The following ERBB4 variants were observed in gnomAD, a reference collection of about 807,000 sequenced individuals.
The protein encoded by ERBB4 is receptor tyrosine-protein kinase erbB-4.
ERBB4 carries 42 observed loss-of-function variants against 158.0 expected under a neutral mutation model. The observed-to-expected ratio is 0.27, with a 90% CI of 0.21 to 0.34. The LOEUF (loss-of-function observed/expected upper bound fraction) is 0.34, where lower values mean the gene tolerates loss of function less well. ERBB4 is among the 10% of genes least tolerant of loss of function. ERBB4 has a pLI of 1.00. For missense variants in ERBB4, 1,333 were observed against 1,624.1 expected, an observed-to-expected ratio of 0.82 and a Z score of 3.08; for synonymous variants, 583 against 558.7, an observed-to-expected ratio of 1.04 and a Z score of -0.61.
chr2:212,134,027 G>T (rs2080191295), intron 1 of ERBB4, among the ~76,000 whole-genome samples: 1 of 151,952 alleles, frequency 6.6e-6, no homozygotes, highest in Non-Finnish European at 1.5e-5. Flanking sequence ...TTCAATTGAT[G>T]GGTAATAGTC....
intron 1 of ERBB4, among the ~76,000 whole-genome samples, chr2:212,519,885 G>C (rs1398097284): frequency 2.0e-5 from 3 of 151,866 alleles, no homozygotes; most frequent in Non-Finnish European, 2.9e-5. Flanking sequence ...GTAATTTATT[G>C]TATATTTTCA....
In ERBB4 at chr2:211,780,944, G is replaced by T. The variant is rs62183035; in HGVS notation, c.556+7081C>A. Among the ~76,000 whole-genome samples, 527 of 152,214 alleles carry T rather than the reference G, an allele frequency of 3.5e-3. 4 individuals are homozygous for T. Among genetic ancestry groups the T allele is most frequent in the Non-Finnish European group, 5.3e-3 (360 of 67,990 alleles). On this transcript the variant is annotated intron_variant, in intron 4 of 27. Coordinates refer to ENST00000342788, the MANE Select transcript of ERBB4 (RefSeq NM_005235.3). ...TAAAAATATCTTTTGAAAACAGTGT[G>T]ATTTCATTCTGTGTATACATTTATG... is the stretch of plus-strand genomic sequence containing the variant.
intron 1 of ERBB4, among the ~76,000 whole-genome samples, chr2:212,512,385 GTATTT>G: frequency 6.6e-6 from 1 of 151,572 alleles, no homozygotes; most frequent in East Asian, 1.9e-4. Flanking sequence ...TATGATACAG[GTATTT>G]TAAACAGGTC....
At chr2:211,784,455 T>C (rs1014820501) in intron 4 of ERBB4, among the ~76,000 whole-genome samples, 8 of 152,222 alleles carry the variant, frequency 5.3e-5, no homozygotes, top group Non-Finnish European at 7.4e-5. Context: ...AGCTGGATAA[T>C]ATTTCATCAT....
At chr2:212,376,305 G>C (rs2090319832) in intron 1 of ERBB4, among the ~76,000 whole-genome samples, 1 of 152,050 alleles carries the variant, frequency 6.6e-6, no homozygotes, top group Non-Finnish European at 1.5e-5. Context: ...CCAAGAGGTG[G>C]AAGTGCTCCA....
At chr2:212,098,889 A>G (rs1325767621) in intron 2 of ERBB4, among the ~76,000 whole-genome samples, 3 of 152,116 alleles carry the variant, frequency 2.0e-5, no homozygotes, top group Non-Finnish European at 4.4e-5. Flanking sequence ...AAATAACAGG[A>G]AAATTGGAGA....
intron 1 of ERBB4, among the ~76,000 whole-genome samples, chr2:212,193,083 C>T (rs974277784): frequency 2.0e-4 from 30 of 152,186 alleles, no homozygotes; most frequent in African/African-American, 7.2e-4. Flanking sequence ...CCAGCTCCTG[C>T]TATGTACAAA....
chr2:212,167,873 A>C (rs2081395139), intron 1 of ERBB4, among the ~76,000 whole-genome samples: 1 of 152,052 alleles, frequency 6.6e-6, no homozygotes, highest in South Asian at 2.1e-4. Context: ...CTCACTCATA[A>C]GTGGGAGTTG....
At chr2:211,496,381 C>T (rs1462164009) in intron 20 of ERBB4, among the ~76,000 whole-genome samples, 1 of 151,926 alleles carries the variant, frequency 6.6e-6, no homozygotes, top group Non-Finnish European at 1.5e-5. Flanking sequence ...CAAATCTGTG[C>T]TCCTAATAAT....
At chr2:211,816,161 G>GT (rs973156996) in intron 3 of ERBB4, among the ~76,000 whole-genome samples, 3 of 152,086 alleles carry the variant, frequency 2.0e-5, no homozygotes, top group African/African-American at 7.2e-5. Flanking sequence ...TGTTGGTTCT[G>GT]TCCCTTTGGA....
intron 2 of ERBB4, among the ~76,000 whole-genome samples, chr2:211,979,960 A>G (rs1265534548): frequency 6.6e-6 from 1 of 152,118 alleles, no homozygotes; most frequent in Non-Finnish European, 1.5e-5. Flanking sequence ...CTGTTTTGCA[A>G]TTTTCTTTAA....
intron 3 of ERBB4, among the ~76,000 whole-genome samples, chr2:211,858,461 A>G (rs2077928079): frequency 6.6e-6 from 1 of 152,236 alleles, no homozygotes; most frequent in Non-Finnish European, 1.5e-5. Flanking sequence ...TAATCAAAAT[A>G]AAGTCCTCAG....
At chr2:212,220,049 C>T (rs1377072177) in intron 1 of ERBB4, among the ~76,000 whole-genome samples, 3 of 150,562 alleles carry the variant, frequency 2.0e-5, no homozygotes, top group African/African-American at 7.3e-5. Flanking sequence ...TCAACTATCA[C>T]AGTACCTTAA....
rs749626683 is a variant in ERBB4 at position 212,538,454 on chromosome 2, T to C, written c.77A>G (p.Gln26Arg). The C allele has an allele frequency of 6.2e-7, 1 of 1,613,738 alleles. No homozygotes were observed. The highest frequency in any genetic ancestry group is 8.5e-7 in the Non-Finnish European group (1 of 1,179,724). Reference protein sequence around the residue: ...AAGTVQPSDSQSVCAGTENKL... With the variant: ...AAGTVQPSDSRSVCAGTENKL... ...GAGTGCCAGAAGGAACCCACCTGAC[T>C]GAGAATCGCTGGGCTGGACGGTCCC... The change falls in exon 1 of 28, where the codon CAG becomes CGG. Residue 26 changes from glutamine to arginine, a missense_variant. Gln to Arg is a conservative substitution (Grantham distance 43). Around this residue, in one of 5 missense-constraint regions of ERBB4, gnomAD observed 438 missense variants for 586.9 expected, o/e 0.75. Coordinates refer to ENST00000342788, the MANE Select transcript of ERBB4 (RefSeq NM_005235.3).
intron 4 of ERBB4, among the ~76,000 whole-genome samples, chr2:211,759,476 A>G (rs946940368): frequency 1.1e-4 from 16 of 152,030 alleles, no homozygotes; most frequent in Non-Finnish European, 2.1e-4. Flanking sequence ...TCCCTGCCTC[A>G]GTATTTTCCT....
chr2:211,549,094 T>C (rs965443643), intron 20 of ERBB4, among the ~76,000 whole-genome samples: 3 of 152,106 alleles, frequency 2.0e-5, no homozygotes, highest in Non-Finnish European at 2.9e-5. Context: ...AAAATATCAA[T>C]TGACGTTTTG....
At chr2:212,521,713 C>G (rs1692181733) in intron 1 of ERBB4, among the ~76,000 whole-genome samples, 1 of 151,826 alleles carries the variant, frequency 6.6e-6, no homozygotes, top group Non-Finnish European at 1.5e-5. Context: ...ATTCAATTCC[C>G]TTTTTAGATG....
chr2:211,706,492 G>C (rs987943967), intron 9 of ERBB4, among the ~76,000 whole-genome samples: 1 of 151,368 alleles, frequency 6.6e-6, no homozygotes, highest in Non-Finnish European at 1.5e-5. Context: ...CTTGAAAAGA[G>C]TATCAGTTCC....
chr2:212,187,931 C>T (rs1308304339), intron 1 of ERBB4, among the ~76,000 whole-genome samples: 1 of 152,102 alleles, frequency 6.6e-6, no homozygotes, highest in Non-Finnish European at 1.5e-5. Flanking sequence ...AATTTTAATG[C>T]GTTGACAGCT....
Sources: allele counts gnomAD v4.1 joint callset (sites outside exome capture counted in the v4.1 genomes callset), GRCh38; gene constraint gnomAD v4.1.1; regional missense constraint gnomAD v4.1.1; transcripts MANE v1.5; gene names NCBI Gene and HGNC (gene_info 2026-07-23, HGNC 2026-07-21).